CADM2: variants seen among roughly 807,000 people sequenced by gnomAD.
CADM2 encodes the protein cell adhesion molecule 2, also known as immunoglobulin superfamily member 4D.
In CADM2, 12 loss-of-function variants were observed where a neutral mutation model predicts 49.8. The observed-to-expected ratio is 0.24, with a 90% CI of 0.15 to 0.39. The LOEUF (loss-of-function observed/expected upper bound fraction) is 0.39, where lower values mean the gene tolerates loss of function less well. CADM2 is among the 10% of genes least tolerant of loss of function. The pLI, the probability that CADM2 is intolerant of heterozygous loss-of-function variation, is 1.00. For synonymous variants in CADM2, 214 were observed against 175.4 expected (o/e 1.22, Z -1.74); for missense variants, 378 against 492.3 (o/e 0.77, Z 2.20).
intron 8 of CADM2, among the ~76,000 whole-genome samples, chr3:85,990,066 A>AAT: frequency 6.7e-6 from 1 of 149,464 alleles, no homozygotes; most frequent in Non-Finnish European, 1.5e-5. Context: ...ATGGAGTTAG[A>AAT]AATGGTGGTA....
chr3:85,910,020 A>G (rs917249362), intron 5 of CADM2, among the ~76,000 whole-genome samples: 1 of 152,134 alleles, frequency 6.6e-6, no homozygotes, highest in Non-Finnish European at 1.5e-5. Context: ...AAATCAACAA[A>G]TTACACTTTT....
intron 1 of CADM2, among the ~76,000 whole-genome samples, chr3:85,367,990 G>A (rs2032922453): frequency 6.6e-6 from 1 of 151,880 alleles, no homozygotes; most frequent in African/African-American, 2.4e-5. Context: ...TCAATCTTGG[G>A]GGATGTTTAG....
intron 1 of CADM2, among the ~76,000 whole-genome samples, chr3:85,467,968 A>C (rs2038579706): frequency 6.6e-6 from 1 of 151,422 alleles, no homozygotes; most frequent in Admixed American, 6.6e-5. Flanking sequence ...TCCCGGCTAA[A>C]ACGGTGAAAC....
At chr3:85,234,522 T>C (rs759921386) in intron 1 of CADM2, among the ~76,000 whole-genome samples, 5 of 152,138 alleles carry the variant, frequency 3.3e-5, no homozygotes, top group Non-Finnish European at 7.4e-5. Context: ...ACCATGAAAC[T>C]GTAAAATATA....
At chr3:85,784,540 ATCTATCTATCTATC>A (rs1559654981) in intron 2 of CADM2, among the ~76,000 whole-genome samples, 5 of 108,176 alleles carry the variant, frequency 4.6e-5, no homozygotes, top group African/African-American at 2.2e-4. Flanking sequence ...TTATCTATCT[ATCTATCTATCTATC>A]TATCTATCTA....
intron 1 of CADM2, among the ~76,000 whole-genome samples, chr3:85,212,534 G>A (rs902217006): frequency 4.6e-5 from 7 of 152,014 alleles, no homozygotes; most frequent in Non-Finnish European, 1.0e-4. Flanking sequence ...ATAATTGAAT[G>A]AACCAACAAG....
chr3:86,005,605 G>A (rs898238206), intron 8 of CADM2, among the ~76,000 whole-genome samples: 1 of 151,858 alleles, frequency 6.6e-6, no homozygotes, highest in Non-Finnish European at 1.5e-5. Flanking sequence ...TTTATGTGGT[G>A]TATGAGATAT....
intron 1 of CADM2, among the ~76,000 whole-genome samples, chr3:85,693,566 C>CAAAAAAAAAAAAAAAAA (rs562723713): frequency 1.3e-5 from 1 of 76,122 alleles, no homozygotes; most frequent in Non-Finnish European, 2.4e-5. Flanking sequence ...GGCGAAAGAG[C>CAAAAAAAAAAAAAAAAA]AAAAAAAAAA....
chr3:85,733,773 C>CT (rs1029112564), intron 2 of CADM2, among the ~76,000 whole-genome samples: 1 of 152,034 alleles, frequency 6.6e-6, no homozygotes, highest in African/African-American at 2.4e-5. Flanking sequence ...CATTATAATA[C>CT]TTTTTTATTC....
At chr3:85,420,665 T>C (rs2036130020) in intron 1 of CADM2, among the ~76,000 whole-genome samples, 1 of 152,214 alleles carries the variant, frequency 6.6e-6, no homozygotes, top group African/African-American at 2.4e-5. Context: ...AAAATCTTTA[T>C]GCCTTGATAA....
At chr3:85,083,114 T>A (rs1436305170) in intron 1 of CADM2, among the ~76,000 whole-genome samples, 1 of 152,152 alleles carries the variant, frequency 6.6e-6, no homozygotes, top group Non-Finnish European at 1.5e-5. Context: ...ATATACATAG[T>A]ATATGTGTAT....
At chr3:86,014,176 G>A in intron 8 of CADM2, 1 of 1,293,068 alleles carries the variant, frequency 7.7e-7, no homozygotes, top group African/African-American at 1.5e-5. Context: ...CTTGTTTTAG[G>A]TTCAGATGGT....
intron 6 of CADM2, among the ~76,000 whole-genome samples, chr3:85,920,047 G>A (rs1718897920): frequency 6.6e-6 from 1 of 151,858 alleles, no homozygotes; most frequent in Non-Finnish European, 1.5e-5. Flanking sequence ...AAACCCGTAC[G>A]TTTCTCTAGC....
chr3:85,550,638 A>G (rs1466230185), intron 1 of CADM2, among the ~76,000 whole-genome samples: 1 of 152,210 alleles, frequency 6.6e-6, no homozygotes, highest in Non-Finnish European at 1.5e-5. Flanking sequence ...TCCTAAATTT[A>G]TATGCAAGAT....
At chr3:85,601,275 T>C (rs1342714074) in intron 1 of CADM2, among the ~76,000 whole-genome samples, 1 of 149,708 alleles carries the variant, frequency 6.7e-6, no homozygotes, top group African/African-American at 2.4e-5. Flanking sequence ...GGAAATATTA[T>C]TTTTGAAATA....
At chr3:85,289,518 G>A (rs1332280567) in intron 1 of CADM2, among the ~76,000 whole-genome samples, 1 of 152,166 alleles carries the variant, frequency 6.6e-6, no homozygotes, top group East Asian at 1.9e-4. Flanking sequence ...AGCCAGTCAA[G>A]CCCCAACATG....
intron 1 of CADM2, among the ~76,000 whole-genome samples, chr3:85,011,950 G>A (rs757941284): frequency 3.6e-4 from 55 of 151,946 alleles, no homozygotes; most frequent in Non-Finnish European, 4.1e-4. Context: ...TGAAAATACC[G>A]TTTATATTTA....
At chr3:85,400,780 G>T (rs1008453479) in intron 1 of CADM2, among the ~76,000 whole-genome samples, 2 of 152,074 alleles carry the variant, frequency 1.3e-5, no homozygotes, top group African/African-American at 2.4e-5. Context: ...GGGACAAGAC[G>T]CAGGCGGAGG....
chr3:85,071,595 G>C (rs376529620), intron 1 of CADM2, among the ~76,000 whole-genome samples: 64 of 152,092 alleles, frequency 4.2e-4, no homozygotes, highest in African/African-American at 1.4e-3. Context: ...TACCTCATAG[G>C]TGGTCTTGAG....
Sources: gnomAD v4.1 joint callset for allele counts (sites outside exome capture counted in the v4.1 genomes callset) on GRCh38, gnomAD v4.1.1 for gene constraint, MANE v1.5 for transcripts, NCBI Gene and HGNC (gene_info 2026-07-23, HGNC 2026-07-21) for gene names.